Variants in ARHGEF26 observed in about 807,000 individuals in gnomAD.
The protein encoded by ARHGEF26 is Rho guanine nucleotide exchange factor (GEF) 26.
In ARHGEF26, 59 loss-of-function variants were observed where a neutral mutation model predicts 89.4. The observed-to-expected ratio is 0.66, with a 90% confidence interval of 0.54 to 0.82. The LOEUF is 0.82. Among genes scored for constraint, ARHGEF26 ranks in the 40% least tolerant of loss-of-function variants. The pLI is 0.00. For missense variants in ARHGEF26, 1,234 were observed against 1,085.6 expected (o/e 1.14, Z -1.92); for synonymous variants, 500 against 428.4 (o/e 1.17, Z -2.06).
intron 3 of ARHGEF26, among the ~76,000 whole-genome samples, chr3:154,125,058 G>T (rs1024327315): frequency 6.6e-6 from 1 of 151,946 alleles, no homozygotes. Flanking sequence ...TGGGTCAAGC[G>T]TCAGCCAACT....
chr3:154,250,068 T>C (rs909519895), intron 12 of ARHGEF26, among the ~76,000 whole-genome samples: 14 of 152,178 alleles, frequency 9.2e-5, no homozygotes, highest in African/African-American at 3.4e-4. Context: ...TTTGCTCTTG[T>C]CGCCTAGGCT....
chr3:154,143,449 C>T lies in ARHGEF26; in HGVS notation c.1270-5940C>T, dbSNP rs1482791617. On this transcript the variant is annotated intron_variant, in intron 4 of 14. Transcript: ENST00000465093. ...ATTCTTCTACAACCTTTTTAAAGCCCACATACTAGCTCCTCAAATAAGTGG... is the reference window on the plus strand; with the variant it reads ...ATTCTTCTACAACCTTTTTAAAGCCTACATACTAGCTCCTCAAATAAGTGG... Among the ~76,000 whole-genome samples the T allele has an allele frequency of 2.0e-5, 3 of 152,030 alleles. No individual in the cohort carries two copies. The East Asian group carries it at 5.8e-4, about 29-fold the overall frequency.
At chr3:154,145,726 T>A (rs527699257) in intron 4 of ARHGEF26, among the ~76,000 whole-genome samples, 1 of 152,298 alleles carries the variant, frequency 6.6e-6, no homozygotes, top group Admixed American at 6.5e-5. Flanking sequence ...AGAAAATGAT[T>A]ATCTGATCAG....
chr3:154,218,853 A>G (rs969524379), intron 10 of ARHGEF26, among the ~76,000 whole-genome samples: 5 of 152,222 alleles, frequency 3.3e-5, no homozygotes, highest in Admixed American at 3.3e-4. Flanking sequence ...GAGGAAAAGA[A>G]ACCCAGAGAA....
At chr3:154,171,936 T>A (rs62279489) in intron 6 of ARHGEF26, among the ~76,000 whole-genome samples, 7,993 of 152,138 alleles carry the variant, frequency 0.053, 273 homozygotes, top group Non-Finnish European at 0.081. Flanking sequence ...AACCCCGGAT[T>A]ATGTGTGCTC....
At chr3:154,141,166 C>T (rs900325097) in intron 4 of ARHGEF26, among the ~76,000 whole-genome samples, 2 of 150,704 alleles carry the variant, frequency 1.3e-5, no homozygotes, top group Non-Finnish European at 3.0e-5. Flanking sequence ...GGGGTTTCAC[C>T]GTGTTAGCCA....
chr3:154,187,137 G>A (rs866718405), intron 6 of ARHGEF26: 14 of 648,264 alleles, frequency 2.2e-5, no homozygotes, highest in Middle Eastern at 7.8e-4. Context: ...TAATCCACCC[G>A]CTTCGGCCTC....
At chr3:154,215,109 G>A (rs769940139) in intron 9 of ARHGEF26, among the ~76,000 whole-genome samples, 1 of 152,120 alleles carries the variant, frequency 6.6e-6, no homozygotes, top group Non-Finnish European at 1.5e-5. Flanking sequence ...ATACAATCCA[G>A]ACACCTTAAG....
At chr3:154,242,243 G>A (rs1418254593) in intron 12 of ARHGEF26, among the ~76,000 whole-genome samples, 1 of 152,144 alleles carries the variant, frequency 6.6e-6, no homozygotes, top group Non-Finnish European at 1.5e-5. Context: ...ATGGATCTGG[G>A]CAAAGTAAAT....
At chr3:154,150,680 A>G (rs1284449541) in intron 5 of ARHGEF26, among the ~76,000 whole-genome samples, 1 of 152,050 alleles carries the variant, frequency 6.6e-6, no homozygotes, top group Admixed American at 6.5e-5. Flanking sequence ...CATTGTTAAC[A>G]TTGTGACATA....
chr3:154,164,370 G>A lies in ARHGEF26; in HGVS notation c.1487+11438G>A, dbSNP rs541057853. Among the ~76,000 whole-genome samples the A allele has an allele frequency of 2.5e-3, 385 of 151,978 alleles. 1 individual carries two copies. Among genetic ancestry groups the A allele is most frequent in the African/African-American group, 8.8e-3 (364 of 41,514 alleles). ...ATGTGGATTAAATCATGTAAGCCTTGTTTTTTAATTTTAAAAATATATTTA... is the reference window on the plus strand; with the variant it reads ...ATGTGGATTAAATCATGTAAGCCTTATTTTTTAATTTTAAAAATATATTTA... On this transcript the variant is annotated intron_variant, in intron 6 of 14. Coordinates refer to ENST00000465093, the MANE Select transcript of ARHGEF26 (RefSeq NM_015595.4).
At chr3:154,123,976 T>C (rs1439583787) in intron 2 of ARHGEF26, among the ~76,000 whole-genome samples, 2 of 152,246 alleles carry the variant, frequency 1.3e-5, no homozygotes, top group Admixed American at 6.5e-5. Context: ...GGAACCAGTC[T>C]ATATAAATGG....
At chr3:154,121,859 G>T (rs1717945727) in intron 1 of ARHGEF26, 83 bp from the exon 2 acceptor site, 2 of 1,262,016 alleles carry the variant, frequency 1.6e-6, no homozygotes, top group Non-Finnish European at 2.2e-6. Context: ...GCAGCAGGGG[G>T]ACCGCCGGTC....
chr3:154,201,348 G>A (rs1714622603), intron 9 of ARHGEF26, among the ~76,000 whole-genome samples: 1 of 152,000 alleles, frequency 6.6e-6, no homozygotes, highest in African/African-American at 2.4e-5. Flanking sequence ...ATTTTTTATG[G>A]CTGCATGGTA....
intron 4 of ARHGEF26, among the ~76,000 whole-genome samples, chr3:154,144,952 A>C (rs1293601132): frequency 6.6e-6 from 1 of 152,188 alleles, no homozygotes; most frequent in African/African-American, 2.4e-5. Flanking sequence ...CTTTCCTTAA[A>C]AAAAGCGTTC....
chr3:154,139,676 A>G (rs2108071123), intron 4 of ARHGEF26, among the ~76,000 whole-genome samples: 1 of 152,264 alleles, frequency 6.6e-6, no homozygotes, highest in South Asian at 2.1e-4. Flanking sequence ...GGTCTCCATG[A>G]TGATTGGAGA....
intron 11 of ARHGEF26, among the ~76,000 whole-genome samples, chr3:154,228,926 G>C (rs1716664868): frequency 6.6e-6 from 1 of 152,226 alleles, no homozygotes. Flanking sequence ...GAACTTAGCA[G>C]CTGGGCTTCC....
At chr3:154,163,129 G>A (rs768673714) in intron 6 of ARHGEF26, among the ~76,000 whole-genome samples, 1 of 152,094 alleles carries the variant, frequency 6.6e-6, no homozygotes, top group Admixed American at 6.6e-5. Context: ...TTATTTCAGT[G>A]TTTAATATTA....
intron 9 of ARHGEF26, among the ~76,000 whole-genome samples, chr3:154,204,408 CACTGCA>C (rs1326927091): frequency 7.7e-6 from 1 of 130,298 alleles, no homozygotes; most frequent in Non-Finnish European, 1.5e-5. Flanking sequence ...GATCTTGGTT[CACTGCA>C]ACCTCCGCCT....
Sources: allele counts gnomAD v4.1 joint callset (sites outside exome capture counted in the v4.1 genomes callset), GRCh38; gene constraint gnomAD v4.1.1; transcripts MANE v1.5; gene names NCBI Gene and HGNC (gene_info 2026-07-23, HGNC 2026-07-21).